The following MPP7 variants were observed in gnomAD, a reference collection of about 807,000 sequenced individuals.
MPP7 encodes the protein MAGUK p55 scaffold protein 7, also known as MAGUK p55 subfamily member 7.
In MPP7, 60 loss-of-function variants were observed where a neutral mutation model predicts 76.5. That is an observed-to-expected ratio of 0.78 (90% CI 0.64 to 0.97). The LOEUF is 0.97. Ranked by LOEUF, MPP7 falls within the 50% of genes least tolerant of loss-of-function variation. The pLI, the probability that MPP7 is intolerant of heterozygous loss-of-function variation, is 0.00. For missense variants in MPP7, 641 were observed against 694.0 expected (o/e 0.92, Z 0.86); for synonymous variants, 237 against 244.5 (o/e 0.97, Z 0.29).
chr10:28,133,248 A>C (rs952068814), intron 5 of MPP7, among the ~76,000 whole-genome samples: 3 of 152,202 alleles, frequency 2.0e-5, no homozygotes, highest in African/African-American at 4.8e-5. Flanking sequence ...GATTATTTTA[A>C]AAACTTAAAT....
intron 1 of MPP7, among the ~76,000 whole-genome samples, chr10:28,257,480 T>C (rs1839820897): frequency 6.6e-6 from 1 of 150,942 alleles, no homozygotes; most frequent in African/African-American, 2.4e-5. Context: ...TCATTCTCAG[T>C]AAACTATCGC....
intron 11 of MPP7, among the ~76,000 whole-genome samples, chr10:28,112,869 C>T (rs907811396): frequency 2.6e-5 from 4 of 152,268 alleles, no homozygotes; most frequent in Admixed American, 1.3e-4. Flanking sequence ...AGTGAATTCT[C>T]ATAATTTTAT....
intron 11 of MPP7, among the ~76,000 whole-genome samples, chr10:28,092,455 T>C (rs1017584367): frequency 2.6e-5 from 4 of 152,064 alleles, no homozygotes; most frequent in Non-Finnish European, 4.4e-5. Context: ...AATTATAAAA[T>C]CACACATGCA....
intron 3 of MPP7, among the ~76,000 whole-genome samples, chr10:28,187,353 T>A (rs745885769): frequency 6.6e-6 from 1 of 152,192 alleles, no homozygotes; most frequent in African/African-American, 2.4e-5. Context: ...CATGTTTCTG[T>A]GCCTGAAAAA....
At chr10:28,158,173 T>A (rs918113484) in intron 3 of MPP7, among the ~76,000 whole-genome samples, 14 of 152,146 alleles carry the variant, frequency 9.2e-5, no homozygotes, top group African/African-American at 3.4e-4. Flanking sequence ...CCAAAACTGA[T>A]GACTAGTCCC....
At chr10:28,059,007 G>A (rs1163459087) in intron 14 of MPP7, among the ~76,000 whole-genome samples, 1 of 152,214 alleles carries the variant, frequency 6.6e-6, no homozygotes, top group Non-Finnish European at 1.5e-5. Flanking sequence ...GGTGGCTAAT[G>A]GAGCCAGGGC....
chr10:28,150,170 T>C (rs1348285682), intron 3 of MPP7, 111 bp from the exon 4 acceptor site: 3 of 745,182 alleles, frequency 4.0e-6, no homozygotes, highest in African/African-American at 1.7e-5. Context: ...CCTAAAGTTA[T>C]ATGTTTATGA....
At chr10:28,142,229 T>A (rs78696134) in intron 5 of MPP7, among the ~76,000 whole-genome samples, 2,148 of 152,254 alleles carry the variant, frequency 0.014, 30 homozygotes, top group South Asian at 0.025. Context: ...GCATGTAAGA[T>A]TAAAGAAAAA....
chr10:28,196,808 C>T (rs978478075), intron 3 of MPP7, among the ~76,000 whole-genome samples: 3 of 152,314 alleles, frequency 2.0e-5, no homozygotes, highest in Non-Finnish European at 2.9e-5. Flanking sequence ...TCTTCCAACA[C>T]TTTGCCACCA....
At chr10:28,282,750 G>C (rs1840707114) in intron 1 of MPP7, among the ~76,000 whole-genome samples, 1 of 151,826 alleles carries the variant, frequency 6.6e-6, no homozygotes, top group Admixed American at 6.6e-5. Context: ...TACACTGTTC[G>C]GATCTGTGTT....
At chr10:28,165,037 A>C (rs2801843) in intron 3 of MPP7, among the ~76,000 whole-genome samples, 112,291 of 151,956 alleles carry the variant, frequency 0.74, 41,617 homozygotes, top group Middle Eastern at 0.83. Context: ...CCTGGCCAAT[A>C]TGGTGATTCT....
At chr10:28,062,341 G>A (rs954831333) in intron 13 of MPP7, among the ~76,000 whole-genome samples, 4 of 151,906 alleles carry the variant, frequency 2.6e-5, no homozygotes, top group Non-Finnish European at 5.9e-5. Context: ...AATATTCAGA[G>A]CAACCAGTAA....
intron 1 of MPP7, among the ~76,000 whole-genome samples, chr10:28,254,004 G>GAAAAAAAAAAAAA (rs199511617): frequency 1.4e-4 from 13 of 92,332 alleles, no homozygotes; most frequent in Non-Finnish European, 1.6e-4. Context: ...TCACAAAAAA[G>GAAAAAAAAAAAAA]AAAAAAAAAA....
chr10:28,175,590 A>G (rs1401041795), intron 3 of MPP7, among the ~76,000 whole-genome samples: 4 of 134,304 alleles, frequency 3.0e-5, no homozygotes, highest in African/African-American at 1.0e-4. Flanking sequence ...TTAAACATCA[A>G]GACAAAAACA....
In MPP7 at chr10:28,058,598, A is replaced by G. The variant is rs200879135; in HGVS notation, c.1304T>C (p.Ile435Thr). The change falls in exon 15 of 17, where the codon ATT becomes ACT. Residue 435 changes from isoleucine to threonine, a missense_variant. Physicochemically the swap from Ile to Thr is moderately conservative, Grantham distance 89 (BLOSUM62 -1). Coordinates refer to ENST00000683449, the MANE Select transcript of MPP7 (RefSeq NM_001318170.2). The part of the protein sequence containing the change: ...FETDVQNNKF[I>T]EYGEYKNNYY... ...GTTGTTTTTATATTCTCCATATTCA[A>G]TAAACCTGTAAAAAATTAAATGCAT... The G allele has an allele frequency of 2.2e-5, 34 of 1,546,530 alleles. No individual in the cohort carries two copies. The highest frequency in any genetic ancestry group is 5.3e-6 in the Non-Finnish European group (6 of 1,132,078).
chr10:28,202,426 A>G (rs1362894195), intron 2 of MPP7, among the ~76,000 whole-genome samples, 155 bp from the exon 3 acceptor site: 1 of 152,176 alleles, frequency 6.6e-6, no homozygotes, highest in Non-Finnish European at 1.5e-5. Flanking sequence ...CCAAAGGGGA[A>G]TTTTCTGGCT....
At chr10:28,115,399 G>A (rs935505214) in intron 11 of MPP7, among the ~76,000 whole-genome samples, 19 of 151,996 alleles carry the variant, frequency 1.3e-4, no homozygotes, top group East Asian at 3.9e-4. Flanking sequence ...CGCTGTGCCC[G>A]GCCAATGTTA....
chr10:28,266,133 T>C (rs61845919), intron 1 of MPP7, among the ~76,000 whole-genome samples: 5 of 152,040 alleles, frequency 3.3e-5, no homozygotes, highest in African/African-American at 1.2e-4. Context: ...CTAATTTTTG[T>C]ATTTTTAGTA....
At chr10:28,239,908 A>G (rs1010501397) in intron 1 of MPP7, among the ~76,000 whole-genome samples, 7 of 152,214 alleles carry the variant, frequency 4.6e-5, no homozygotes, top group African/African-American at 1.4e-4. Context: ...CATATAATGC[A>G]GTGTCTGACA....
Sources: allele counts gnomAD v4.1 joint callset (sites outside exome capture counted in the v4.1 genomes callset), GRCh38; gene constraint gnomAD v4.1.1; transcripts MANE v1.5; gene names NCBI Gene and HGNC (gene_info 2026-07-23, HGNC 2026-07-21).